The following PCDHA10 variants were observed in gnomAD, a reference collection of about 807,000 sequenced individuals.
PCDHA10 encodes protocadherin alpha 10.
A neutral mutation model predicts 61.2 loss-of-function variants in PCDHA10; 45 were observed. The ratio of observed to expected loss-of-function variants is 0.74; its 90% CI spans 0.58 to 0.94. The LOEUF (loss-of-function observed/expected upper bound fraction) is 0.94, where lower values mean the gene tolerates loss of function less well. PCDHA10 is among the 40% of genes least tolerant of loss of function. PCDHA10 has a pLI of 0.00. For synonymous variants in PCDHA10, 602 were observed against 548.8 expected (o/e 1.10, Z -1.35); for missense variants, 1,278 against 1,236.2 (o/e 1.03, Z -0.51).
chr5:140,972,621 G>T (rs1278363112), intron 1 of PCDHA10, among the ~76,000 whole-genome samples: 1 of 148,458 alleles, frequency 6.7e-6, no homozygotes, highest in South Asian at 2.1e-4. Flanking sequence ...ACTGAATGTT[G>T]TTGGCACTCC....
intron 1 of PCDHA10, chr5:140,865,230 G>A (rs1393795782): frequency 6.6e-6 from 1 of 152,136 alleles, no homozygotes; most frequent in Non-Finnish European, 1.5e-5. Flanking sequence ...GGATCCCAGA[G>A]AACACGTATT....
At chr5:140,929,298 A>T in intron 1 of PCDHA10, 1 of 1,591,722 alleles carries the variant, frequency 6.3e-7, no homozygotes, top group South Asian at 1.1e-5. Context: ...GGAATAGGAA[A>T]GGGGATCACG....
chr5:140,934,580 T>C lies in PCDHA10; in HGVS notation c.2389-44369T>C, dbSNP rs531235009. 3.9e-5 allele frequency among the ~76,000 whole-genome samples: 6 copies of C among 152,296 alleles called. No individual in the cohort carries two copies. In the East Asian group the frequency reaches 1.2e-3, roughly 29 times the overall value. On this transcript the variant is annotated intron_variant, in intron 1 of 3. Transcript: ENST00000307360. ...CTTTTTTTTAATTAATTGTAACATT[T>C]CTGTAATGGGTCTTCAACTATTTGA...
At chr5:140,863,247 C>A (rs782167324) in intron 1 of PCDHA10, 18 of 1,379,648 alleles carry the variant, frequency 1.3e-5, no homozygotes, top group Non-Finnish European at 1.6e-5. Context: ...CTTTGGCGGG[C>A]GTCGAGGTCC....
In PCDHA10 at chr5:140,857,001, A is replaced by T; in HGVS notation, c.953A>T (p.His318Leu). Reference sequence around the variant, plus strand: ...GAGGACAGTAACACTTATGAAATTCATGTAGATGTTACAGATAAGGGAAAC... The same window carrying T: ...GAGGACAGTAACACTTATGAAATTCTTGTAGATGTTACAGATAAGGGAAAC... ...DFEDSNTYEIHVDVTDKGNPP... is the reference protein window; with the variant it reads ...DFEDSNTYEILVDVTDKGNPP... The change falls in exon 1 of 4, where the codon CAT becomes CTT. Residue 318 changes from histidine to leucine, a missense_variant. Transcript: ENST00000307360. 1 of 1,595,350 alleles carries T rather than the reference A, an allele frequency of 6.3e-7. No homozygotes were observed. Among genetic ancestry groups the T allele is most frequent in the Non-Finnish European group, 8.6e-7 (1 of 1,165,034 alleles).
chr5:140,882,319 G>T, intron 1 of PCDHA10: 3 of 1,614,136 alleles, frequency 1.9e-6, no homozygotes, highest in Non-Finnish European at 2.5e-6. Flanking sequence ...TACTGCTCTG[G>T]CTTCTGATCC....
At chr5:140,967,730 G>A (rs2096176474) in intron 1 of PCDHA10, 1 of 1,614,146 alleles carries the variant, frequency 6.2e-7, no homozygotes, top group Non-Finnish European at 8.5e-7. Context: ...AGTAATTGGG[G>A]GGCTGGATTA....
intron 1 of PCDHA10, among the ~76,000 whole-genome samples, chr5:140,874,018 G>T (rs1033387450): frequency 1.3e-5 from 2 of 152,114 alleles, no homozygotes; most frequent in Admixed American, 1.3e-4. Context: ...TTTTGAAAAT[G>T]AAAAATAGGA....
intron 1 of PCDHA10, chr5:140,967,336 C>T (rs782067589): frequency 5.0e-6 from 8 of 1,607,396 alleles, no homozygotes; most frequent in Admixed American, 1.7e-5. Context: ...TCAGCCCCAG[C>T]GAGCACTTCG....
At chr5:140,870,292 G>A (rs782159013) in intron 1 of PCDHA10, 1 of 1,614,176 alleles carries the variant, frequency 6.2e-7, no homozygotes, top group Non-Finnish European at 8.5e-7. Context: ...CTTCAAGCTG[G>A]TGTCCACCTT....
intron 1 of PCDHA10, among the ~76,000 whole-genome samples, chr5:140,873,732 C>T (rs1309470062): frequency 6.6e-6 from 1 of 152,166 alleles, no homozygotes; most frequent in African/African-American, 2.4e-5. Context: ...GCAATCTCAG[C>T]TCACTGCAAT....
At chr5:140,931,507 T>C (rs564431042) in intron 1 of PCDHA10, among the ~76,000 whole-genome samples, 1 of 152,016 alleles carries the variant, frequency 6.6e-6, no homozygotes, top group African/African-American at 2.4e-5. Flanking sequence ...TTTAAACATA[T>C]ATGAATGATT....
In PCDHA10 at chr5:141,012,200, T is replaced by A. The variant is rs2098423248; in HGVS notation, c.*2263T>A. On this transcript the variant is annotated 3_prime_UTR_variant, in exon 4 of 4. Coordinates refer to ENST00000307360, the MANE Select transcript of PCDHA10 (RefSeq NM_018901.4). The stretch of plus-strand genomic sequence containing the variant: ...TAATTATAATGTATCTGTACAGCAC[T>A]TTTTACATTTGCGAAGTGCTTTCCA... 6.5e-6 allele frequency: 1 copy of A among 153,778 alleles called. No homozygotes were observed. The highest frequency in any genetic ancestry group is 1.5e-5 in the Non-Finnish European group (1 of 68,048). 9.5% of individuals were successfully genotyped at this position (153,778 alleles called of 1,614,324 possible). A position where few individuals can be genotyped will look rare whatever the true frequency, so the allele number is the denominator to read the frequency against.
intron 2 of PCDHA10, among the ~76,000 whole-genome samples, chr5:140,979,661 GTCTC>G (rs2096859733): frequency 6.6e-6 from 1 of 152,146 alleles, no homozygotes; most frequent in South Asian, 2.1e-4. Context: ...TCTCTACTTT[GTCTC>G]TCTGACAGTA....
At chr5:140,887,125 C>G (rs1391575318) in intron 1 of PCDHA10, among the ~76,000 whole-genome samples, 3 of 150,080 alleles carry the variant, frequency 2.0e-5, no homozygotes. Context: ...GAGACGGAGT[C>G]TCACTCTGTC....
intron 1 of PCDHA10, chr5:140,927,062 T>C: frequency 6.2e-7 from 1 of 1,611,326 alleles, no homozygotes; most frequent in Non-Finnish European, 8.5e-7. Flanking sequence ...AACTTTCGCT[T>C]CCTTTCCAGC....
Position 140,856,970 on chromosome 5 carries a change from G to T in PCDHA10, c.922G>T (p.Asp308Tyr), listed in dbSNP as rs2044296852. 1 of 1,592,058 alleles carries T rather than the reference G, an allele frequency of 6.3e-7. No individual in the cohort carries two copies. Among genetic ancestry groups the T allele is most frequent in the Non-Finnish European group, 8.6e-7 (1 of 1,162,322 alleles). ...TGEIKVNDAI[D>Y]FEDSNTYEIH... ...AGAAATAAAAGTAAATGATGCTATT[G>T]ACTTTGAGGACAGTAACACTTATGA... The change falls in exon 1 of 4, where the codon GAC (aspartate) becomes TAC (tyrosine). Residue 308 changes from aspartate to tyrosine, a missense_variant. Asp to Tyr is a radical substitution (Grantham distance 160). Transcript: ENST00000307360.
intron 1 of PCDHA10, chr5:140,863,783 G>A: frequency 4.4e-6 from 1 of 226,522 alleles, no homozygotes; most frequent in South Asian, 6.5e-5. Flanking sequence ...CGGATCACTC[G>A]AGGCCAGGAG....
chr5:140,968,091 C>T lies in PCDHA10; in HGVS notation c.2389-10858C>T, dbSNP rs782079016. 1.4e-5 allele frequency: 22 copies of T among 1,614,128 alleles called. No individual in the cohort carries two copies. Among genetic ancestry groups the T allele is most frequent in the Non-Finnish European group, 1.9e-5 (22 of 1,180,016 alleles). On this transcript the variant is annotated intron_variant, in intron 1 of 3. Coordinates refer to ENST00000307360, the MANE Select transcript of PCDHA10 (RefSeq NM_018901.4). ...GTCTACAACATCACGGTGACAGCCA[C>T]AGATGGGGGAATACCGCAGCTCACA...
Sources: gnomAD v4.1 joint callset for allele counts (sites outside exome capture counted in the v4.1 genomes callset) on GRCh38, gnomAD v4.1.1 for gene constraint, MANE v1.5 for transcripts, NCBI Gene and HGNC (gene_info 2026-07-23, HGNC 2026-07-21) for gene names.